The following EXOC6B variants were observed in gnomAD, a reference collection of about 807,000 sequenced individuals.
EXOC6B encodes SEC15 homolog B.
A neutral mutation model predicts 113.5 loss-of-function variants in EXOC6B; 54 were observed. That is an observed-to-expected ratio of 0.48 (90% CI 0.38 to 0.60). The LOEUF is 0.60. Ranked by LOEUF, EXOC6B falls within the 20% of genes least tolerant of loss-of-function variation. The probability of loss-of-function intolerance (pLI) is 0.00; values close to 1 mark genes in which losing one functional copy is unlikely to be tolerated. For synonymous variants in EXOC6B, 357 were observed against 339.0 expected, an observed-to-expected ratio of 1.05 and a Z score of -0.58; for missense variants, 797 against 977.5, an observed-to-expected ratio of 0.82 and a Z score of 2.46.
intron 1 of EXOC6B, among the ~76,000 whole-genome samples, chr2:72,809,477 A>C (rs1685757718): frequency 6.6e-6 from 1 of 152,206 alleles, no homozygotes; most frequent in Non-Finnish European, 1.5e-5. Flanking sequence ...AAATTATCAA[A>C]AACAGAGAAG....
intron 17 of EXOC6B, among the ~76,000 whole-genome samples, chr2:72,480,349 T>C (rs1180992616): frequency 2.0e-5 from 3 of 152,114 alleles, no homozygotes; most frequent in Admixed American, 6.5e-5. Context: ...ACTTAGGAAA[T>C]AGTGATTTAC....
chr2:72,674,362 T>G (rs1399813691), intron 6 of EXOC6B, among the ~76,000 whole-genome samples: 12 of 152,224 alleles, frequency 7.9e-5, no homozygotes, highest in Non-Finnish European at 1.5e-5. Context: ...CTCCCCATCT[T>G]CTTATAGAAA....
intron 20 of EXOC6B, among the ~76,000 whole-genome samples, chr2:72,311,113 G>T (rs1055828801): frequency 6.6e-6 from 1 of 152,188 alleles, no homozygotes; most frequent in Admixed American, 6.5e-5. Context: ...AATATATGTT[G>T]TATTAATGTT....
At chr2:72,277,469 G>T (rs982112165) in intron 20 of EXOC6B, among the ~76,000 whole-genome samples, 1 of 151,814 alleles carries the variant, frequency 6.6e-6, no homozygotes, top group African/African-American at 2.4e-5. Flanking sequence ...ATGGATGTTG[G>T]TAATAATTAG....
At chr2:72,306,501 T>G (rs191894899) in intron 20 of EXOC6B, among the ~76,000 whole-genome samples, 1 of 152,338 alleles carries the variant, frequency 6.6e-6, no homozygotes, top group Non-Finnish European at 1.5e-5. Flanking sequence ...CAATTATAAT[T>G]AACATACAAT....
intron 20 of EXOC6B, chr2:72,288,703 T>C (rs1397524329): frequency 2.0e-5 from 3 of 152,624 alleles, no homozygotes; most frequent in Non-Finnish European, 2.9e-5. Context: ...TATATATATA[T>C]ATATACAAAC....
In EXOC6B at chr2:72,629,803, C is replaced by G. The variant is rs145728468; in HGVS notation, c.670-54135G>C. Among the ~76,000 whole-genome samples the G allele has an allele frequency of 7.8e-3, 1,186 of 152,226 alleles. 52 individuals carry two copies. The highest frequency in any genetic ancestry group is 0.068 in the Admixed American group (1,033 of 15,286). ...AATTACCTTCCAATTTGTAAATGCA[C>G]CATCCACTTTTGCCTTCAGGCTTTG... On this transcript the variant is annotated intron_variant, in intron 6 of 21. Coordinates refer to ENST00000272427, the MANE Select transcript of EXOC6B (RefSeq NM_015189.3).
At chr2:72,786,941 C>A (rs1684408644) in intron 1 of EXOC6B, among the ~76,000 whole-genome samples, 1 of 152,134 alleles carries the variant, frequency 6.6e-6, no homozygotes, top group Non-Finnish European at 1.5e-5. Flanking sequence ...ATTACATCAA[C>A]ACTGAGTTGC....
intron 7 of EXOC6B, among the ~76,000 whole-genome samples, chr2:72,569,810 T>C (rs1315874440): frequency 1.3e-5 from 2 of 152,226 alleles, no homozygotes; most frequent in East Asian, 3.8e-4. Context: ...TTGGGTCAAA[T>C]ATCACAACCA....
chr2:72,474,371 AT>A (rs1261953848), intron 17 of EXOC6B, among the ~76,000 whole-genome samples: 1 of 151,634 alleles, frequency 6.6e-6, no homozygotes, highest in African/African-American at 2.4e-5. Flanking sequence ...ACTCTTTTTT[AT>A]TTCTTTTTGC....
At chr2:72,276,244 T>A (rs4852287) in intron 20 of EXOC6B, among the ~76,000 whole-genome samples, 1 of 151,934 alleles carries the variant, frequency 6.6e-6, no homozygotes, top group Admixed American at 6.6e-5. Context: ...GAAACAAAAC[T>A]GGCTCAAAAG....
intron 8 of EXOC6B, among the ~76,000 whole-genome samples, chr2:72,515,984 A>C (rs985184210): frequency 6.6e-6 from 1 of 152,178 alleles, no homozygotes; most frequent in African/African-American, 2.4e-5. Flanking sequence ...TGCAGCTGCA[A>C]GCCAGGGAAC....
chr2:72,238,618 T>G (rs537649706), intron 20 of EXOC6B, among the ~76,000 whole-genome samples: 197 of 152,334 alleles, frequency 1.3e-3, no homozygotes, highest in African/African-American at 4.6e-3. Flanking sequence ...TGATGGTATC[T>G]CTCTTGGTTT....
At chr2:72,290,305 G>A (rs188730734) in intron 20 of EXOC6B, among the ~76,000 whole-genome samples, 90 of 151,886 alleles carry the variant, frequency 5.9e-4, no homozygotes, top group African/African-American at 1.4e-3. Flanking sequence ...CTCTTGTTTC[G>A]GTTCCTCCAG....
chr2:72,661,194 G>C (rs1674985703), intron 6 of EXOC6B, among the ~76,000 whole-genome samples: 1 of 151,884 alleles, frequency 6.6e-6, no homozygotes, highest in Non-Finnish European at 1.5e-5. Flanking sequence ...GGGGCAATTG[G>C]AGAAGTCCAC....
chr2:72,202,512 A>G (rs1249498919), intron 20 of EXOC6B, among the ~76,000 whole-genome samples: 1 of 152,196 alleles, frequency 6.6e-6, no homozygotes, highest in African/African-American at 2.4e-5. Context: ...CCAGATTAGC[A>G]TTTATCCACA....
chr2:72,676,359 G>A (rs1169801918), intron 6 of EXOC6B, among the ~76,000 whole-genome samples: 3 of 152,248 alleles, frequency 2.0e-5, no homozygotes, highest in Admixed American at 6.5e-5. Context: ...CTCCCCACAG[G>A]ATCAAAATGT....
intron 1 of EXOC6B, among the ~76,000 whole-genome samples, chr2:72,789,043 G>A (rs1261757894): frequency 6.6e-6 from 1 of 152,134 alleles, no homozygotes; most frequent in African/African-American, 2.4e-5. Context: ...GCCATGTTTG[G>A]CACCATCTCT....
At chr2:72,801,930 C>T (rs891496584) in intron 1 of EXOC6B, among the ~76,000 whole-genome samples, 19 of 152,260 alleles carry the variant, frequency 1.2e-4, no homozygotes, top group African/African-American at 4.3e-4. Context: ...GGCAGTTTGG[C>T]AATATGCATC....
Sources: gnomAD v4.1 joint callset for allele counts (sites outside exome capture counted in the v4.1 genomes callset) on GRCh38, gnomAD v4.1.1 for gene constraint, MANE v1.5 for transcripts, NCBI Gene and HGNC (gene_info 2026-07-23, HGNC 2026-07-21) for gene names.